RNFT2: variants seen among roughly 807,000 people sequenced by gnomAD.
RNFT2 encodes the protein ring finger protein, transmembrane 2.
In RNFT2, 36 loss-of-function variants were observed where a neutral mutation model predicts 53.0. That is an observed-to-expected ratio of 0.68 (90% CI 0.52 to 0.90). The LOEUF (loss-of-function observed/expected upper bound fraction) is 0.90. Among genes scored for constraint, RNFT2 ranks in the 40% least tolerant of loss-of-function variants. The pLI, the probability that RNFT2 is intolerant of heterozygous loss-of-function variation, is 0.00. For missense variants in RNFT2, 514 were observed against 585.6 expected, an observed-to-expected ratio of 0.88 and a Z score of 1.26; for synonymous variants, 260 against 253.2, an observed-to-expected ratio of 1.03 and a Z score of -0.26.
rs1221323195 is a variant in RNFT2, at chr12:116,743,227, AAAAAAAAAAAAAAAAAAC to A, written c.83+2134_83+2151del. On this transcript the variant is annotated intron_variant, in intron 3 of 10. Coordinates refer to ENST00000257575, the MANE Select transcript of RNFT2 (RefSeq NM_001382266.1). ...CAGGTAGAATCTAAAAAAAAAAAAA[AAAAAAAAAAAAAAAAAAC>A]CGGTTAAAAAACACTCATGAGCTAG... Among the ~76,000 whole-genome samples the A allele has an allele frequency of 1.8e-4, 21 of 118,058 alleles. 2 individuals carry two copies. The highest frequency in any genetic ancestry group is 4.9e-4 in the East Asian group (2 of 4,078). 77.5% of individuals were successfully genotyped at this position (118,058 alleles called of 152,430 possible). A position where few individuals can be genotyped will look rare whatever the true frequency, so the allele number is the denominator to read the frequency against.
intron 10 of RNFT2, among the ~76,000 whole-genome samples, chr12:116,840,914 G>T (rs971014192): frequency 1.3e-4 from 10 of 78,864 alleles, no homozygotes; most frequent in Non-Finnish European, 3.7e-4. Context: ...GAGGTTAGGG[G>T]TATGTGTCTG....
At chr12:116,745,684 A>G (rs1202498393) in intron 3 of RNFT2, among the ~76,000 whole-genome samples, 4 of 152,230 alleles carry the variant, frequency 2.6e-5, no homozygotes, top group Non-Finnish European at 4.4e-5. Context: ...GGATAAAAAG[A>G]ATTCTGTGGT....
chr12:116,826,313 A>G (rs1283512112), intron 7 of RNFT2, among the ~76,000 whole-genome samples: 2 of 151,482 alleles, frequency 1.3e-5, no homozygotes, highest in Non-Finnish European at 2.9e-5. Context: ...CACCCCCTTT[A>G]TCTGAATCCA....
At chr12:116,815,191 C>G (rs1462929536) in intron 7 of RNFT2, among the ~76,000 whole-genome samples, 3 of 152,224 alleles carry the variant, frequency 2.0e-5, no homozygotes, top group Admixed American at 6.5e-5. Flanking sequence ...GCTCTGGCCT[C>G]CTCCCATCTT....
chr12:116,826,546 T>C (rs1876348014), intron 7 of RNFT2, among the ~76,000 whole-genome samples: 1 of 152,228 alleles, frequency 6.6e-6, no homozygotes, highest in African/African-American at 2.4e-5. Flanking sequence ...TGCTGGGATA[T>C]GCCCAGTTTT....
chr12:116,766,940 G>C (rs371480237), intron 6 of RNFT2, 26 bp downstream of exon 6: 37 of 1,512,266 alleles, frequency 2.4e-5, no homozygotes, highest in Non-Finnish European at 3.2e-5. Flanking sequence ...CAACCCCCAC[G>C]GTGGGAGAGT....
intron 7 of RNFT2, among the ~76,000 whole-genome samples, chr12:116,813,759 T>A (rs1875502001): frequency 6.6e-6 from 1 of 152,254 alleles, no homozygotes; most frequent in Non-Finnish European, 1.5e-5. Flanking sequence ...CCCTTCACTA[T>A]ATTTTCTCTG....
Position 116,740,326 on chromosome 12 carries a change from G to T in RNFT2, c.-153-19G>T. ...AGGTATCGCAGGGACTGTTCATCCA[G>T]GTGTTCTGTTCCATCCAGGTTTGGA... On this transcript the variant is annotated intron_variant, in intron 1 of 10. Transcript: ENST00000257575. 3.2e-6 allele frequency: 2 copies of T among 618,126 alleles called. No homozygotes were observed. Among genetic ancestry groups the T allele is most frequent in the Non-Finnish European group, 5.8e-6 (2 of 342,272 alleles). The allele number at this position is 618,126 out of a possible 1,614,324, so 38.3% of individuals were successfully genotyped here. A position where few individuals can be genotyped will look rare whatever the true frequency, so the allele number is the denominator to read the frequency against.
intron 4 of RNFT2, 146 bp downstream of exon 4, chr12:116,750,453 C>G: frequency 2.5e-6 from 2 of 799,368 alleles, no homozygotes. Context: ...CTGAGTCAGA[C>G]CTGGGTTCAA....
intron 7 of RNFT2, among the ~76,000 whole-genome samples, chr12:116,800,051 C>A (rs1025363308): frequency 6.6e-5 from 10 of 152,202 alleles, no homozygotes; most frequent in African/African-American, 2.2e-4. Context: ...TTTGCTTGCT[C>A]TCTCAACATG....
At chr12:116,827,484 T>C (rs1017064084) in intron 7 of RNFT2, among the ~76,000 whole-genome samples, 1 of 152,030 alleles carries the variant, frequency 6.6e-6, no homozygotes, top group African/African-American at 2.4e-5. Context: ...TTCTGGGAAA[T>C]CCTGGGGATG....
rs370589867 is a variant in RNFT2 at position 116,853,279 on chromosome 12, G to A, written c.*3831G>A. On this transcript the variant is annotated 3_prime_UTR_variant, in exon 11 of 11. Transcript: ENST00000257575. Reference sequence around the variant, plus strand: ...GTAAGTAGGGTTAATCGAGTATCAGGTTCACAGTATCCTGCCCTTATTATT... The same window carrying A: ...GTAAGTAGGGTTAATCGAGTATCAGATTCACAGTATCCTGCCCTTATTATT... The A allele has an allele frequency of 2.5e-6, 1 of 398,580 alleles. No individual in the cohort carries two copies. Among genetic ancestry groups the A allele is most frequent in the Non-Finnish European group, 4.4e-6 (1 of 226,094 alleles). The allele number at this position is 398,580 out of a possible 1,614,324, so 24.7% of individuals were successfully genotyped here.
At chr12:116,778,887 A>G (rs1224703020) in intron 6 of RNFT2, among the ~76,000 whole-genome samples, 2 of 152,170 alleles carry the variant, frequency 1.3e-5, no homozygotes, top group African/African-American at 4.8e-5. Context: ...TCTTTCCTCT[A>G]TAAGTTACCC....
chr12:116,749,947 T>C lies in RNFT2; in HGVS notation c.190T>C (p.Ser64Pro). Residue 64 changes from serine (S) to proline (P), a missense_variant, in exon 4 of 11, where the codon TCA becomes CCA. Physicochemically the swap from Ser to Pro is moderately conservative, Grantham distance 74. Transcript: ENST00000257575. ...ASPPALFSGL[S>P]GSLPTSSFPS... ...CCCACCAGCGCTCTTCTCGGGCTTATCAGGCAGCCTCCCCACCAGCTCGTT... is the reference window on the plus strand; with the variant it reads ...CCCACCAGCGCTCTTCTCGGGCTTACCAGGCAGCCTCCCCACCAGCTCGTT... 1 of 1,569,452 alleles carries C rather than the reference T, an allele frequency of 6.4e-7. No homozygotes were observed. Among genetic ancestry groups the C allele is most frequent in the Non-Finnish European group, 8.6e-7 (1 of 1,157,216 alleles).
At chr12:116,807,390 G>C (rs1184846360) in intron 7 of RNFT2, among the ~76,000 whole-genome samples, 1 of 152,076 alleles carries the variant, frequency 6.6e-6, no homozygotes, top group Non-Finnish European at 1.5e-5. Context: ...AATATCCAGT[G>C]TCCCTAGTAC....
intron 3 of RNFT2, among the ~76,000 whole-genome samples, chr12:116,747,396 G>A (rs1221391118): frequency 6.6e-6 from 1 of 152,126 alleles, no homozygotes; most frequent in Admixed American, 6.5e-5. Context: ...GCCAATTGCA[G>A]TGGCACATGC....
intron 3 of RNFT2, among the ~76,000 whole-genome samples, chr12:116,742,947 G>C (rs1244291031): frequency 6.6e-6 from 1 of 151,482 alleles, no homozygotes; most frequent in Non-Finnish European, 1.5e-5. Context: ...CCAGCATGGT[G>C]GCATGCATCT....
intron 7 of RNFT2, among the ~76,000 whole-genome samples, chr12:116,783,778 G>A (rs568843636): frequency 2.6e-5 from 4 of 152,226 alleles, no homozygotes; most frequent in African/African-American, 4.8e-5. Context: ...CAAGACAGGC[G>A]GAGCCCACAG....
intron 10 of RNFT2, 72 bp downstream of exon 10, chr12:116,836,354 C>A: frequency 7.8e-7 from 1 of 1,283,398 alleles, no homozygotes; most frequent in East Asian, 2.5e-5. Context: ...CATGGGCAGT[C>A]CTCGGGTCTC....
Sources: gnomAD v4.1 joint callset for allele counts (sites outside exome capture counted in the v4.1 genomes callset) on GRCh38, gnomAD v4.1.1 for gene constraint, MANE v1.5 for transcripts, NCBI Gene and HGNC (gene_info 2026-07-23, HGNC 2026-07-21) for gene names.